Variants in UBE2H observed in about 807,000 individuals in gnomAD.
UBE2H encodes the protein ubiquitin conjugating enzyme E2 H.
Under a neutral mutation model 29.0 loss-of-function variants are expected in UBE2H, and 3 were observed. That is an observed-to-expected ratio of 0.10 (90% CI 0.05 to 0.27). UBE2H has a LOEUF of 0.27. Among genes scored for constraint, UBE2H ranks in the 10% least tolerant of loss-of-function variants. The probability of loss-of-function intolerance (pLI) is 1.00; values close to 1 mark genes in which losing one functional copy is unlikely to be tolerated. For synonymous variants in UBE2H, 69 were observed against 82.9 expected, an observed-to-expected ratio of 0.83 and a Z score of 0.91; for missense variants, 68 against 228.2, an observed-to-expected ratio of 0.30 and a Z score of 4.52.
At chr7:129,864,703 C>T (rs139949037) in intron 3 of UBE2H, among the ~76,000 whole-genome samples, 4,241 of 151,960 alleles carry the variant, frequency 0.028, 96 homozygotes, top group Non-Finnish European at 0.042. Context: ...AGGTGCCCAC[C>T]ACCACACCCA....
In UBE2H at chr7:129,909,052, T is replaced by C. The variant is rs575479924; in HGVS notation, c.54-28081A>G. 2.4e-4 allele frequency among the ~76,000 whole-genome samples: 36 copies of C among 152,348 alleles called. 2 individuals carry two copies. The Middle Eastern group carries it at 0.01, about 43-fold the overall frequency. ...ACTCTGGAATATTAGCCATCATCTA[T>C]ACCAATGCTTTTACTAAAAAAAGTA... On this transcript the variant is annotated intron_variant, in intron 1 of 6. Coordinates refer to ENST00000355621, the MANE Select transcript of UBE2H (RefSeq NM_003344.4).
chr7:129,945,817 C>A (rs1807750163), intron 1 of UBE2H, among the ~76,000 whole-genome samples: 1 of 152,010 alleles, frequency 6.6e-6, no homozygotes, highest in African/African-American at 2.4e-5. Flanking sequence ...CTCAGCTCAC[C>A]GCAACCTCCA....
chr7:129,883,260 A>AT (rs1483380616), intron 1 of UBE2H, among the ~76,000 whole-genome samples: 2 of 152,210 alleles, frequency 1.3e-5, no homozygotes, highest in African/African-American at 2.4e-5. Flanking sequence ...ATATGAAGTT[A>AT]TTTTTTTAAA....
rs1357562496 is a variant in UBE2H, at chr7:129,830,846, G to C, written c.*4091C>G. 6.7e-6 allele frequency: 1 copy of C among 148,184 alleles called. No individual in the cohort carries two copies. The highest frequency in any genetic ancestry group is 1.5e-5 in the Non-Finnish European group (1 of 67,352). 9.2% of individuals were successfully genotyped at this position (148,184 alleles called of 1,614,324 possible). A position where few individuals can be genotyped will look rare whatever the true frequency, so the allele number is the denominator to read the frequency against. ...GTCCTGTTGACAGACGTGCCTACTAGATCATCACAATGCAAGGAGAAAGGT... is the reference window on the plus strand; with the variant it reads ...GTCCTGTTGACAGACGTGCCTACTACATCATCACAATGCAAGGAGAAAGGT... On this transcript the variant is annotated 3_prime_UTR_variant, in exon 7 of 7. Coordinates refer to ENST00000355621, the MANE Select transcript of UBE2H (RefSeq NM_003344.4).
rs1805218055 is a variant in UBE2H, at chr7:129,831,131, A to T, written c.*3806T>A. ...CTTCTCAAAGGGCTTCCTCCCACTC[A>T]TCCCATCCCTAACAGAATCGCCGAG... On this transcript the variant is annotated 3_prime_UTR_variant, in exon 7 of 7. Coordinates refer to ENST00000355621, the MANE Select transcript of UBE2H (RefSeq NM_003344.4). 1 of 152,076 alleles carries T rather than the reference A, an allele frequency of 6.6e-6. No individual in the cohort carries two copies. Among genetic ancestry groups the T allele is most frequent in the African/African-American group, 2.4e-5 (1 of 41,396 alleles). 9.4% of individuals were successfully genotyped at this position (152,076 alleles called of 1,614,324 possible). A position where few individuals can be genotyped will look rare whatever the true frequency, so the allele number is the denominator to read the frequency against.
chr7:129,929,446 C>A (rs1451044021), intron 1 of UBE2H, among the ~76,000 whole-genome samples: 1 of 152,054 alleles, frequency 6.6e-6, no homozygotes, highest in Admixed American at 6.6e-5. Flanking sequence ...TTCATTACAT[C>A]TATGACACAC....
At chr7:129,938,800 T>G (rs1044199115) in intron 1 of UBE2H, among the ~76,000 whole-genome samples, 5 of 150,286 alleles carry the variant, frequency 3.3e-5, no homozygotes, top group Admixed American at 1.3e-4. Context: ...TGTTTTTTTG[T>G]TTTTTTTGTT....
At chr7:129,934,358 C>T (rs1807471713) in intron 1 of UBE2H, among the ~76,000 whole-genome samples, 1 of 151,584 alleles carries the variant, frequency 6.6e-6, no homozygotes, top group South Asian at 2.1e-4. Flanking sequence ...TGAGCTGAGG[C>T]CAGGAGTGGT....
chr7:129,895,198 G>T (rs891437504), intron 1 of UBE2H, among the ~76,000 whole-genome samples: 1 of 152,190 alleles, frequency 6.6e-6, no homozygotes, highest in African/African-American at 2.4e-5. Context: ...CTGTGCAGAA[G>T]TCCCAAGTGG....
chr7:129,891,710 T>C (rs2116399752), intron 1 of UBE2H, among the ~76,000 whole-genome samples: 1 of 150,550 alleles, frequency 6.6e-6, no homozygotes, highest in Middle Eastern at 3.4e-3. Context: ...GCTAACACAG[T>C]AGAACTGCTT....
chr7:129,948,491 C>G (rs1807808607), intron 1 of UBE2H, among the ~76,000 whole-genome samples: 1 of 152,164 alleles, frequency 6.6e-6, no homozygotes, highest in Non-Finnish European at 1.5e-5. Flanking sequence ...GGAATCCCTG[C>G]AAATGAGTCA....
At chr7:129,949,080 G>C in intron 1 of UBE2H, 1 of 455,834 alleles carries the variant, frequency 2.2e-6, no homozygotes. Flanking sequence ...AAAACAAGCA[G>C]CTCTAGCCTT....
chr7:129,836,630 A>G (rs1259548831), intron 6 of UBE2H, among the ~76,000 whole-genome samples: 1 of 152,202 alleles, frequency 6.6e-6, no homozygotes, highest in African/African-American at 2.4e-5. Context: ...CTGTAAACCC[A>G]GCACTTTGGG....
intron 3 of UBE2H, among the ~76,000 whole-genome samples, chr7:129,864,644 C>T (rs1057001597): frequency 3.3e-5 from 5 of 149,336 alleles, no homozygotes; most frequent in African/African-American, 9.9e-5. Flanking sequence ...CTCCACCTCA[C>T]GGGTTCAAGC....
At chr7:129,857,314 T>A (rs1252111163) in intron 5 of UBE2H, 197 bp downstream of exon 5, 2 of 586,996 alleles carry the variant, frequency 3.4e-6, no homozygotes, top group Non-Finnish European at 6.0e-6. Flanking sequence ...AAAATCATTT[T>A]AAACTTCCAC....
chr7:129,830,820 T>C lies in UBE2H; in HGVS notation c.*4117A>G, dbSNP rs1805208051. 6.8e-6 allele frequency: 1 copy of C among 148,112 alleles called. No individual in the cohort carries two copies. The highest frequency in any genetic ancestry group is 6.8e-5 in the Admixed American group (1 of 14,636). 9.2% of individuals were successfully genotyped at this position (148,112 alleles called of 1,614,324 possible). On this transcript the variant is annotated 3_prime_UTR_variant, in exon 7 of 7. Coordinates refer to ENST00000355621, the MANE Select transcript of UBE2H (RefSeq NM_003344.4). ...AGAGGTTATAGTCAGAGGAGGCATG[T>C]GTCCTGTTGACAGACGTGCCTACTA...
chr7:129,942,305 C>A (rs1807663442), intron 1 of UBE2H, among the ~76,000 whole-genome samples: 1 of 149,660 alleles, frequency 6.7e-6, no homozygotes, highest in Non-Finnish European at 1.5e-5. Flanking sequence ...GAGGCCAAGG[C>A]AGGGGGATCA....
intron 6 of UBE2H, among the ~76,000 whole-genome samples, chr7:129,836,118 T>C (rs1350741896): frequency 1.3e-5 from 2 of 152,218 alleles, no homozygotes; most frequent in Non-Finnish European, 2.9e-5. Flanking sequence ...TTTATGCTAA[T>C]GATTTTGATG....
chr7:129,839,372 G>T, intron 5 of UBE2H, 37 bp from the exon 6 acceptor site: 5 of 1,608,708 alleles, frequency 3.1e-6, no homozygotes, highest in East Asian at 2.2e-5. Flanking sequence ...CATGGGAAAT[G>T]CAAGTTCACC....
Sources: gnomAD v4.1 joint callset for allele counts (sites outside exome capture counted in the v4.1 genomes callset) on GRCh38, gnomAD v4.1.1 for gene constraint, MANE v1.5 for transcripts, NCBI Gene and HGNC (gene_info 2026-07-23, HGNC 2026-07-21) for gene names.